The following LSAMP variants were observed in gnomAD, a reference collection of about 807,000 sequenced individuals.
LSAMP encodes the protein limbic system associated membrane protein.
In LSAMP, 7 loss-of-function variants were observed where a neutral mutation model predicts 38.6. That is an observed-to-expected ratio of 0.18 (90% CI 0.10 to 0.34). The LOEUF (loss-of-function observed/expected upper bound fraction) is 0.34, where lower values mean the gene tolerates loss of function less well. Among genes scored for constraint, LSAMP ranks in the 10% least tolerant of loss-of-function variants. The pLI is 1.00. For missense variants in LSAMP, 313 were observed against 420.0 expected (o/e 0.75, Z 2.23); for synonymous variants, 154 against 166.8 (o/e 0.92, Z 0.59).
intron 2 of LSAMP, among the ~76,000 whole-genome samples, chr3:116,074,042 C>G (rs1043498953): frequency 6.6e-6 from 1 of 152,174 alleles, no homozygotes; most frequent in African/African-American, 2.4e-5. Context: ...ACTGAAACAT[C>G]AATGATACAA....
At chr3:116,382,618 C>G (rs1223897002) in intron 1 of LSAMP, among the ~76,000 whole-genome samples, 3 of 150,626 alleles carry the variant, frequency 2.0e-5, no homozygotes, top group African/African-American at 7.5e-5. Context: ...CAAACCTGCA[C>G]TTGTGCACAT....
At chr3:116,290,396 C>A (rs965188242) in intron 1 of LSAMP, among the ~76,000 whole-genome samples, 15 of 151,796 alleles carry the variant, frequency 9.9e-5, no homozygotes, top group Non-Finnish European at 1.2e-4. Flanking sequence ...TGAAGAATTC[C>A]CCCCCATCTT....
intron 4 of LSAMP, among the ~76,000 whole-genome samples, chr3:115,850,808 G>T (rs1432986957): frequency 1.3e-5 from 2 of 152,194 alleles, no homozygotes; most frequent in Non-Finnish European, 1.5e-5. Context: ...GCTGGAGAAG[G>T]TCACAGGTAA....
At chr3:116,108,919 C>T (rs1708533594) in intron 1 of LSAMP, among the ~76,000 whole-genome samples, 2 of 152,182 alleles carry the variant, frequency 1.3e-5, no homozygotes, top group Admixed American at 1.3e-4. Flanking sequence ...TGTTATTGTA[C>T]ACCTTGAAGG....
intron 2 of LSAMP, among the ~76,000 whole-genome samples, chr3:116,053,934 A>G (rs1022648977): frequency 1.8e-4 from 27 of 152,170 alleles, no homozygotes; most frequent in Non-Finnish European, 1.5e-5. Context: ...TAAATACCAT[A>G]TTACTTTCCT....
At chr3:115,857,520 C>T (rs1935546155) in intron 3 of LSAMP, among the ~76,000 whole-genome samples, 1 of 152,162 alleles carries the variant, frequency 6.6e-6, no homozygotes, top group Non-Finnish European at 1.5e-5. Flanking sequence ...TTTGCCCTTA[C>T]AGAAATGTTT....
intron 2 of LSAMP, among the ~76,000 whole-genome samples, chr3:116,033,634 C>T (rs1047050171): frequency 1.3e-5 from 2 of 152,074 alleles, no homozygotes; most frequent in South Asian, 2.1e-4. Context: ...AGCACTCTAG[C>T]GAATGATTTC....
chr3:115,863,446 G>GT lies in LSAMP; in HGVS notation c.515-10830dup, dbSNP rs566341920. Among the ~76,000 whole-genome samples, 5 of 152,066 alleles carry GT rather than the reference G, an allele frequency of 3.3e-5. No individual in the cohort carries two copies. In the South Asian group the frequency reaches 8.3e-4, roughly 25 times the overall value. ...GGAGGGGTGGGAGGGTAATAATTGA[G>GT]TTTTTTTATCTATTGAATTGGAATG... On this transcript the variant is annotated intron_variant, in intron 3 of 6. Transcript: ENST00000490035.
At chr3:116,330,451 A>C (rs1187832293) in intron 1 of LSAMP, among the ~76,000 whole-genome samples, 1 of 152,120 alleles carries the variant, frequency 6.6e-6, no homozygotes, top group Non-Finnish European at 1.5e-5. Flanking sequence ...ACAGATAAAG[A>C]AGCAGGTAAC....
intron 6 of LSAMP, among the ~76,000 whole-genome samples, chr3:115,827,119 GTTTGC>G (rs1445223874): frequency 6.6e-6 from 1 of 152,064 alleles, no homozygotes; most frequent in Non-Finnish European, 1.5e-5. Flanking sequence ...GTTTCATTTT[GTTTGC>G]TTTGTTTTGT....
At chr3:116,410,404 A>G (rs866273690) in intron 1 of LSAMP, among the ~76,000 whole-genome samples, 3 of 152,062 alleles carry the variant, frequency 2.0e-5, no homozygotes, top group African/African-American at 7.2e-5. Context: ...AAGGATTAAC[A>G]TTAGAGGAAG....
chr3:115,947,866 G>C (rs1040707178), intron 3 of LSAMP, among the ~76,000 whole-genome samples: 1 of 152,164 alleles, frequency 6.6e-6, no homozygotes, highest in Non-Finnish European at 1.5e-5. Context: ...TGATATAACA[G>C]CTTCCTTAGG....
chr3:116,081,188 G>T (rs1415050266), intron 2 of LSAMP, among the ~76,000 whole-genome samples: 1 of 152,182 alleles, frequency 6.6e-6, no homozygotes, highest in Non-Finnish European at 1.5e-5. Context: ...TTGGGGGCCG[G>T]CGAGGTGGCT....
At chr3:116,249,548 C>A (rs1234688) in intron 1 of LSAMP, among the ~76,000 whole-genome samples, 1 of 151,516 alleles carries the variant, frequency 6.6e-6, no homozygotes, top group African/African-American at 2.4e-5. Context: ...ATCACACCTG[C>A]CTAATTTTTG....
At chr3:115,813,748 A>T (rs534139105) in intron 6 of LSAMP, among the ~76,000 whole-genome samples, 22 of 152,304 alleles carry the variant, frequency 1.4e-4, no homozygotes, top group African/African-American at 5.3e-4. Context: ...TACTTCAGTT[A>T]ATGGCTATTT....
At chr3:116,388,739 G>C (rs1382173176) in intron 1 of LSAMP, among the ~76,000 whole-genome samples, 1 of 152,138 alleles carries the variant, frequency 6.6e-6, no homozygotes, top group South Asian at 2.1e-4. Context: ...TAATGCCAAA[G>C]TAATCTGGCA....
At chr3:115,827,051 C>G (rs1024641245) in intron 6 of LSAMP, among the ~76,000 whole-genome samples, 6 of 147,392 alleles carry the variant, frequency 4.1e-5, no homozygotes, top group Admixed American at 1.4e-4. Context: ...AAAAATAAAA[C>G]AAATTTCCCA....
At chr3:116,174,025 G>C (rs1710274910) in intron 1 of LSAMP, among the ~76,000 whole-genome samples, 1 of 151,906 alleles carries the variant, frequency 6.6e-6, no homozygotes. Context: ...TTCCAAATCA[G>C]AAAATGCCAG....
At chr3:116,207,736 A>G (rs1392606877) in intron 1 of LSAMP, among the ~76,000 whole-genome samples, 1 of 150,784 alleles carries the variant, frequency 6.6e-6, no homozygotes, top group Non-Finnish European at 1.5e-5. Flanking sequence ...ATTGGTCCCC[A>G]CTCTCTTCTG....
Sources: gnomAD v4.1 joint callset for allele counts (sites outside exome capture counted in the v4.1 genomes callset) on GRCh38, gnomAD v4.1.1 for gene constraint, MANE v1.5 for transcripts, NCBI Gene and HGNC (gene_info 2026-07-23, HGNC 2026-07-21) for gene names.